RPL17: variants seen among roughly 807,000 people sequenced by gnomAD.
RPL17 encodes the protein large ribosomal subunit protein uL22.
Under a neutral mutation model 27.7 loss-of-function variants are expected in RPL17, and 2 were observed. The observed-to-expected ratio is 0.07, with a 90% CI of 0.03 to 0.23. RPL17 has a LOEUF of 0.23. RPL17 is among the 10% of genes least tolerant of loss of function. The pLI is 1.00. For synonymous variants in RPL17, 76 were observed against 75.5 expected, an observed-to-expected ratio of 1.01 and a Z score of -0.03; for missense variants, 141 against 238.8, an observed-to-expected ratio of 0.59 and a Z score of 2.70.
intron 3 of RPL17, 130 bp downstream of exon 3, chr18:49,491,275 A>G (rs2148824162): frequency 7.2e-7 from 1 of 1,393,718 alleles, no homozygotes; most frequent in East Asian, 2.3e-5. Context: ...ATGCCTAAAT[A>G]TAAGGTGGCT....
At chr18:49,491,682 GT>G in intron 1 of RPL17, 98 bp from the exon 2 acceptor site, 1 of 1,428,710 alleles carries the variant, frequency 7.0e-7, no homozygotes, top group African/African-American at 1.4e-5. Flanking sequence ...GAGAGTAGTT[GT>G]TTTCATTATT....
chr18:49,491,035 T>A (rs2084034747), intron 3 of RPL17, 108 bp from the exon 4 acceptor site: 7 of 1,541,764 alleles, frequency 4.5e-6, no homozygotes, highest in Non-Finnish European at 8.8e-7. Flanking sequence ...TTATTTCTAT[T>A]CTTTGGGGGC....
chr18:49,489,185 T>C, intron 6 of RPL17, 174 bp downstream of exon 6: 1 of 650,498 alleles, frequency 1.5e-6, no homozygotes, highest in Non-Finnish European at 2.6e-6. Flanking sequence ...ACAGAAAACT[T>C]ACCATTTATT....
At chr18:49,491,263 C>T in intron 3 of RPL17, 142 bp downstream of exon 3, 1 of 1,298,118 alleles carries the variant, frequency 7.7e-7, no homozygotes, top group Non-Finnish European at 1.1e-6. Flanking sequence ...CCCTGATCAT[C>T]AATGCCTAAA....
Position 49,490,838 on chromosome 18 carries a change from A to G in RPL17, c.171T>C (p.Cys57=). 1 of 1,613,304 alleles carries G rather than the reference A, an allele frequency of 6.2e-7. No homozygotes were observed. Among genetic ancestry groups the G allele is most frequent in the African/African-American group, 1.3e-5 (1 of 75,022 alleles). The change falls in exon 4 of 7, where the codon TGT becomes TGC. Residue 57 remains cysteine (C), a synonymous_variant. Coordinates refer to ENST00000580261, the MANE Select transcript of RPL17 (RefSeq NM_001035006.5). The part of the protein sequence containing the change: ...YLKDVTLQKQ[C]VPFRRYNGGV... ...CACCATTGTAACGTCGGAATGGTAC[A>G]CACTGTTTCTGTAAAGTGACATCTT...
Position 49,490,904 on chromosome 18 carries a change from G to A in RPL17, c.105C>T (p.Ala35=), listed in dbSNP as rs1330733379. The A allele has an allele frequency of 1.2e-6, 2 of 1,613,746 alleles. No homozygotes were observed. Among genetic ancestry groups the A allele is most frequent in the Non-Finnish European group, 1.7e-6 (2 of 1,179,906 alleles). The change falls in exon 4 of 7, where the codon GCC becomes GCT. Residue 35 remains alanine (A), a synonymous_variant. Coordinates refer to ENST00000580261, the MANE Select transcript of RPL17 (RefSeq NM_001035006.5). ...HFKNTRETAQ[A]IKGMHIRKAT... Reference sequence around the variant, plus strand: ...CTTTTCGTATATGCATACCCTTGATGGCCTGAGCAGTTTCACGAGTGTTCT... The same window carrying A: ...CTTTTCGTATATGCATACCCTTGATAGCCTGAGCAGTTTCACGAGTGTTCT...
intron 5 of RPL17, 86 bp from the exon 6 acceptor site, chr18:49,489,636 C>A (rs1056665503): frequency 4.2e-6 from 6 of 1,414,430 alleles, no homozygotes; most frequent in Non-Finnish European, 5.8e-6. Flanking sequence ...TATGAATTCC[C>A]AGGCTTGCTC....
Position 49,489,298 on chromosome 18 carries a change from C to T in RPL17, c.507+61G>A, listed in dbSNP as rs558708197. On this transcript the variant is annotated intron_variant, in intron 6 of 6. Coordinates refer to ENST00000580261, the MANE Select transcript of RPL17 (RefSeq NM_001035006.5). ...TATTCCAAAGGTGTCCTAAGATAGT[C>T]ATCACAGCAACCACAAATCTTTCTA... 3.8e-6 allele frequency: 6 copies of T among 1,573,458 alleles called. No individual in the cohort carries two copies. In the South Asian group the frequency reaches 6.7e-5, roughly 18 times the overall value.
rs1219563126 is a variant in RPL17, at chr18:49,490,391, C to G, written c.315+63G>C. On this transcript the variant is annotated intron_variant, in intron 5 of 6. Transcript: ENST00000580261. Reference sequence around the variant, plus strand: ...AAACAAGAAAATCAAGGACATAAATCTGAACAGCCAACATTAATTAAACAA... The same window carrying G: ...AAACAAGAAAATCAAGGACATAAATGTGAACAGCCAACATTAATTAAACAA... 5.2e-6 allele frequency: 8 copies of G among 1,550,508 alleles called. No individual in the cohort carries two copies. In the East Asian group the frequency reaches 9.0e-5, roughly 17 times the overall value.
chr18:49,491,892 ACT>A (rs2084120110), intron 1 of RPL17: 1 of 475,486 alleles, frequency 2.1e-6, no homozygotes, highest in South Asian at 1.8e-5. Context: ...GCGTAAAATG[ACT>A]CGACGCATCC....
chr18:49,490,361 A>T, intron 5 of RPL17, 93 bp downstream of exon 5: 1 of 1,333,642 alleles, frequency 7.5e-7, no homozygotes, highest in Non-Finnish European at 1.0e-6. Flanking sequence ...AGAGTTAATT[A>T]CTGAAAACAA....
At chr18:49,491,112 A>G in intron 3 of RPL17, 185 bp from the exon 4 acceptor site, 2 of 999,926 alleles carry the variant, frequency 2.0e-6, no homozygotes, top group Non-Finnish European at 1.5e-6. Flanking sequence ...AAAACTCCAA[A>G]ACTCCATTTA....
intron 1 of RPL17, chr18:49,491,883 C>G (rs1050048204): frequency 2.0e-6 from 1 of 498,174 alleles, no homozygotes; most frequent in Non-Finnish European, 3.8e-6. Flanking sequence ...ATCTTCCAGG[C>G]GTAAAATGAC....
intron 6 of RPL17, among the ~76,000 whole-genome samples, chr18:49,488,815 G>A (rs2083844218): frequency 6.6e-6 from 1 of 152,090 alleles, no homozygotes; most frequent in African/African-American, 2.4e-5. Flanking sequence ...TTTGGGGAGA[G>A]GGCCCATTTT....
Position 49,491,672 on chromosome 18 carries a change from G to C in RPL17, c.-13-88C>G, listed in dbSNP as rs771008987. On this transcript the variant is annotated intron_variant, in intron 1 of 6. Transcript: ENST00000580261. The stretch of plus-strand genomic sequence containing the variant: ...ATCAGATGATTCGAACAGCTGCTCA[G>C]AGAGTAGTTGTTTTCATTATTAATC... 20 of 1,466,046 alleles carry C rather than the reference G, an allele frequency of 1.4e-5. No homozygotes were observed. The Admixed American group carries it at 2.7e-4, about 20-fold the overall frequency. 90.8% of individuals were successfully genotyped at this position (1,466,046 alleles called of 1,614,324 possible).
chr18:49,490,363 T>C (rs2083970995), intron 5 of RPL17, 91 bp downstream of exon 5: 4 of 1,383,056 alleles, frequency 2.9e-6, no homozygotes, highest in Non-Finnish European at 4.0e-6. Context: ...AGTTAATTAC[T>C]GAAAACAAGA....
At chr18:49,492,066 G>T (rs1600508801) in intron 1 of RPL17, 2 of 228,600 alleles carry the variant, frequency 8.7e-6, no homozygotes, top group East Asian at 9.7e-5. Context: ...TTGTAGTAAC[G>T]TGTTACGCCT....
At chr18:49,490,349 T>TC in intron 5 of RPL17, 105 bp downstream of exon 5, 1 of 1,062,080 alleles carries the variant, frequency 9.4e-7, no homozygotes, top group Non-Finnish European at 1.3e-6. Flanking sequence ...TAAAAAATCC[T>TC]AAGAGTTAAT....
intron 2 of RPL17, 37 bp from the exon 3 acceptor site, chr18:49,491,482 T>C: frequency 4.3e-6 from 7 of 1,614,164 alleles, no homozygotes; most frequent in Admixed American, 1.7e-5. Context: ...TTTTGGTATC[T>C]TATGCCAAGC....
Sources: allele counts gnomAD v4.1 joint callset (sites outside exome capture counted in the v4.1 genomes callset), GRCh38; gene constraint gnomAD v4.1.1; transcripts MANE v1.5; gene names NCBI Gene and HGNC (gene_info 2026-07-23, HGNC 2026-07-21).